MYO3B: variants seen among roughly 807,000 people sequenced by gnomAD.
MYO3B encodes myosin-IIIb.
MYO3B carries 156 observed loss-of-function variants against 174.6 expected under a neutral mutation model. The ratio of observed to expected loss-of-function variants is 0.89; its 90% CI spans 0.78 to 1.02. MYO3B has a LOEUF of 1.02. Among genes scored for constraint, MYO3B ranks in the 50% least tolerant of loss-of-function variants. The probability of loss-of-function intolerance (pLI) is 0.00; values close to 1 mark genes in which losing one functional copy is unlikely to be tolerated. For missense variants in MYO3B, 1,632 were observed against 1,639.4 expected (o/e 1.00, Z 0.08); for synonymous variants, 563 against 569.1 (o/e 0.99, Z 0.15).
chr2:170,196,110 A>T (rs929365984), intron 1 of MYO3B, among the ~76,000 whole-genome samples: 4 of 152,190 alleles, frequency 2.6e-5, no homozygotes, highest in African/African-American at 4.8e-5. Flanking sequence ...TAATGTGCAT[A>T]TTAGGGTCAT....
chr2:170,472,762 C>G (rs996941655), intron 25 of MYO3B, among the ~76,000 whole-genome samples: 1 of 151,436 alleles, frequency 6.6e-6, no homozygotes, highest in East Asian at 1.9e-4. Flanking sequence ...AATGCAGTGG[C>G]ACAATGTTGG....
intron 25 of MYO3B, among the ~76,000 whole-genome samples, chr2:170,476,415 AGGTCATACAT>A (rs1300565615): frequency 6.6e-6 from 1 of 152,162 alleles, no homozygotes; most frequent in Non-Finnish European, 1.5e-5. Flanking sequence ...CAGAAGAATC[AGGTCATACAT>A]GGGCTTGAAG....
intron 32 of MYO3B, among the ~76,000 whole-genome samples, chr2:170,624,783 T>G (rs573837655): frequency 6.6e-6 from 1 of 152,376 alleles, no homozygotes; most frequent in Admixed American, 6.5e-5. Context: ...AAAAGGCTGT[T>G]GAATTTTGTC....
chr2:170,582,532 A>G (rs895808436), intron 32 of MYO3B, among the ~76,000 whole-genome samples: 1 of 152,178 alleles, frequency 6.6e-6, no homozygotes, highest in Non-Finnish European at 1.5e-5. Flanking sequence ...ACTGATTGAC[A>G]GGTGCTCAGC....
At chr2:170,246,688 A>G (rs954665803) in intron 7 of MYO3B, among the ~76,000 whole-genome samples, 2 of 152,174 alleles carry the variant, frequency 1.3e-5, no homozygotes, top group African/African-American at 4.8e-5. Context: ...TTGGATTTCT[A>G]GCTTCCAGAA....
rs1005662769 is a variant in MYO3B, at chr2:170,447,316, G to A, written c.2730+3270G>A. 1.8e-4 allele frequency among the ~76,000 whole-genome samples: 28 copies of A among 152,212 alleles called. 1 individual carries two copies. The highest frequency in any genetic ancestry group is 5.1e-4 in the African/African-American group (21 of 41,534). On this transcript the variant is annotated intron_variant, in intron 23 of 34. Coordinates refer to ENST00000408978, the MANE Select transcript of MYO3B (RefSeq NM_138995.5). ...GATGTTTGAGACCAGTGGTGCTGTC[G>A]GGTTTTTTTTCTTCTTCTTAAGGGA...
At chr2:170,313,829 C>G (rs192977663) in intron 7 of MYO3B, among the ~76,000 whole-genome samples, 1 of 152,218 alleles carries the variant, frequency 6.6e-6, no homozygotes, top group Admixed American at 6.5e-5. Flanking sequence ...AATCTATTTT[C>G]CACCCCTCAA....
intron 32 of MYO3B, among the ~76,000 whole-genome samples, chr2:170,622,517 G>T (rs1325673380): frequency 6.6e-6 from 1 of 152,090 alleles, no homozygotes; most frequent in East Asian, 1.9e-4. Flanking sequence ...AGTTTCTTAT[G>T]CCATTAATAT....
At chr2:170,418,634 A>G (rs1275021191) in intron 22 of MYO3B, among the ~76,000 whole-genome samples, 4 of 152,098 alleles carry the variant, frequency 2.6e-5, no homozygotes, top group Non-Finnish European at 5.9e-5. Flanking sequence ...CCATGATGAG[A>G]ACAGAAGTCC....
At chr2:170,427,401 A>G (rs2094673262) in intron 22 of MYO3B, among the ~76,000 whole-genome samples, 1 of 152,242 alleles carries the variant, frequency 6.6e-6, no homozygotes, top group Non-Finnish European at 1.5e-5. Flanking sequence ...CCAAAAATCA[A>G]TGCCTGTGCT....
intron 8 of MYO3B, among the ~76,000 whole-genome samples, chr2:170,356,839 A>G (rs2094125432): frequency 6.6e-6 from 1 of 152,058 alleles, no homozygotes; most frequent in Admixed American, 6.5e-5. Flanking sequence ...GTGCAGTGGT[A>G]CAATCATGGC....
chr2:170,572,256 C>T (rs1042328715), intron 32 of MYO3B, among the ~76,000 whole-genome samples: 4 of 151,888 alleles, frequency 2.6e-5, no homozygotes, highest in African/African-American at 4.8e-5. Context: ...GGTGAAACCC[C>T]GTCTCTACTA....
At chr2:170,276,670 G>A (rs562909387) in intron 7 of MYO3B, among the ~76,000 whole-genome samples, 179 of 152,180 alleles carry the variant, frequency 1.2e-3, no homozygotes, top group African/African-American at 4.2e-3. Flanking sequence ...TTTTGTATTT[G>A]GTCCTTCACA....
chr2:170,637,687 C>T (rs1006928210), intron 32 of MYO3B, among the ~76,000 whole-genome samples: 1 of 152,194 alleles, frequency 6.6e-6, no homozygotes, highest in African/African-American at 2.4e-5. Flanking sequence ...TGGTAGTTCT[C>T]TGTGACCCTG....
intron 32 of MYO3B, among the ~76,000 whole-genome samples, chr2:170,604,373 T>C (rs1186758407): frequency 6.6e-6 from 1 of 152,230 alleles, no homozygotes; most frequent in Non-Finnish European, 1.5e-5. Context: ...GAGCAAGGGC[T>C]AGGGTTCTGG....
chr2:170,219,735 C>T (rs960660031), intron 6 of MYO3B, among the ~76,000 whole-genome samples: 9 of 152,020 alleles, frequency 5.9e-5, no homozygotes, highest in East Asian at 1.9e-4. Context: ...AGTTTGAGGA[C>T]GGCTTCACAA....
At chr2:170,317,912 A>G (rs925361306) in intron 7 of MYO3B, among the ~76,000 whole-genome samples, 4 of 152,186 alleles carry the variant, frequency 2.6e-5, no homozygotes, top group African/African-American at 9.7e-5. Flanking sequence ...AGGATTTCTC[A>G]TGGGACTACT....
intron 7 of MYO3B, among the ~76,000 whole-genome samples, chr2:170,255,365 G>GCCC (rs776259236): frequency 2.0e-5 from 3 of 152,024 alleles, no homozygotes; most frequent in Non-Finnish European, 4.4e-5. Context: ...ATCCCTCCCT[G>GCCC]CCCGGAGCAC....
At chr2:170,186,068 A>G (rs2092458889) in intron 1 of MYO3B, among the ~76,000 whole-genome samples, 1 of 152,184 alleles carries the variant, frequency 6.6e-6, no homozygotes, top group Admixed American at 6.5e-5. Context: ...AGATCATACC[A>G]TCTACAAACA....
Sources: allele counts gnomAD v4.1 joint callset (sites outside exome capture counted in the v4.1 genomes callset), GRCh38; gene constraint gnomAD v4.1.1; transcripts MANE v1.5; gene names NCBI Gene and HGNC (gene_info 2026-07-23, HGNC 2026-07-21).